The following SAAL1 variants were observed in gnomAD, a reference collection of about 807,000 sequenced individuals.
The protein encoded by SAAL1 is protein SAAL1.
SAAL1 carries 42 observed loss-of-function variants against 59.8 expected under a neutral mutation model. That is an observed-to-expected ratio of 0.70 (90% CI 0.55 to 0.91). The LOEUF is 0.91. Among genes scored for constraint, SAAL1 ranks in the 40% least tolerant of loss-of-function variants. The probability of loss-of-function intolerance (pLI) is 0.00; values close to 1 mark genes in which losing one functional copy is unlikely to be tolerated. For missense variants in SAAL1, 542 were observed against 561.1 expected (o/e 0.97, Z 0.34); for synonymous variants, 191 against 194.3 (o/e 0.98, Z 0.14).
intron 2 of SAAL1, among the ~76,000 whole-genome samples, chr11:18,102,004 A>C (rs974658020): frequency 6.6e-6 from 1 of 152,186 alleles, no homozygotes; most frequent in Non-Finnish European, 1.5e-5. Context: ...AGGAATGGAG[A>C]GGCAAGAGGA....
In SAAL1 at chr11:18,090,445, C is replaced by T. The variant is rs1848512087; in HGVS notation, c.462G>A (p.Leu154=). 2 of 1,608,498 alleles carry T rather than the reference C, an allele frequency of 1.2e-6. No individual in the cohort carries two copies. Among genetic ancestry groups the T allele is most frequent in the South Asian group, 1.1e-5 (1 of 89,252 alleles). Reference sequence around the variant, plus strand: ...AAGGAAAAGCATACCTGCTTGTTTCCAGCAGAGTAGGTGGGTCTGAATCAT... The same window carrying T: ...AAGGAAAAGCATACCTGCTTGTTTCTAGCAGAGTAGGTGGGTCTGAATCAT... ...CLYDSDPPTL[L]ETSRLLLTCL... The change falls in exon 5 of 12, where the codon CTG becomes CTA. Residue 154 remains leucine, a synonymous_variant. Transcript: ENST00000524803.
intron 9 of SAAL1, 57 bp downstream of exon 9, chr11:18,086,809 T>G: frequency 2.5e-6 from 3 of 1,217,374 alleles, no homozygotes; most frequent in Non-Finnish European, 3.2e-6. Flanking sequence ...AAGCATTTTT[T>G]AAAAGGGAGA....
chr11:18,088,601 T>A (rs1424445737), intron 7 of SAAL1, among the ~76,000 whole-genome samples: 1 of 152,262 alleles, frequency 6.6e-6, no homozygotes, highest in South Asian at 2.1e-4. Context: ...ATGTCAGGAA[T>A]AAGGGTTGGG....
rs554548119 is a variant in SAAL1 at position 18,097,656 on chromosome 11, T to C, written c.250-802A>G. ...TACTTGAGCCCAGCTTGGGCAAACA[T>C]AGTGAAAACCCATATCCACAAAAAA... is the stretch of plus-strand genomic sequence containing the variant. On this transcript the variant is annotated intron_variant, in intron 2 of 11. Coordinates refer to ENST00000524803, the MANE Select transcript of SAAL1 (RefSeq NM_138421.3). Among the ~76,000 whole-genome samples the C allele has an allele frequency of 5.9e-5, 9 of 151,680 alleles. No individual in the cohort carries two copies. The South Asian group carries it at 1.5e-3, about 25-fold the overall frequency.
In SAAL1 at chr11:18,090,206, G is replaced by C; in HGVS notation, c.558C>G (p.Ser186Arg). The change falls in exon 6 of 12, where the codon AGC becomes AGG. Residue 186 changes from serine to arginine, a missense_variant. By Grantham distance (110) the Ser-to-Arg change is moderately radical. Coordinates refer to ENST00000524803, the MANE Select transcript of SAAL1 (RefSeq NM_138421.3). ...RIQEHPAIYD[S>R]ICFIMSSSTN... ...TTGAACTTGACATAATGAAGCAAATGCTATCATAAATAGCTGGATGTTCCT... is the reference window on the plus strand; with the variant it reads ...TTGAACTTGACATAATGAAGCAAATCCTATCATAAATAGCTGGATGTTCCT... 1 of 1,601,512 alleles carries C rather than the reference G, an allele frequency of 6.2e-7. No homozygotes were observed. The highest frequency in any genetic ancestry group is 8.5e-7 in the Non-Finnish European group (1 of 1,176,456).
chr11:18,100,668 T>C (rs762391211), intron 2 of SAAL1, among the ~76,000 whole-genome samples: 2 of 152,264 alleles, frequency 1.3e-5, no homozygotes, highest in African/African-American at 2.4e-5. Flanking sequence ...GAAAATTCTA[T>C]AGTGCTTGAT....
At chr11:18,085,425 C>T (rs764137035) in intron 9 of SAAL1, among the ~76,000 whole-genome samples, 3 of 119,386 alleles carry the variant, frequency 2.5e-5, no homozygotes, top group Non-Finnish European at 5.3e-5. Context: ...AATAGTAAAC[C>T]CAAAAGATAC....
At chr11:18,092,198 G>T in intron 4 of SAAL1, 47 bp downstream of exon 4, 1 of 943,328 alleles carries the variant, frequency 1.1e-6, no homozygotes, top group Non-Finnish European at 1.6e-6. Flanking sequence ...TTTCCTTAAG[G>T]ATATAAATGA....
chr11:18,085,666 G>A (rs1471211389), intron 9 of SAAL1, among the ~76,000 whole-genome samples: 2 of 152,044 alleles, frequency 1.3e-5, no homozygotes, highest in African/African-American at 4.8e-5. Flanking sequence ...TGCCTTATTA[G>A]GTATTAAAAC....
chr11:18,094,089 G>T (rs1182784868), intron 3 of SAAL1: 1 of 152,274 alleles, frequency 6.6e-6, no homozygotes, highest in East Asian at 1.9e-4. Context: ...TCTCATCTCA[G>T]ATCTACTGAA....
rs1167137797 is a variant in SAAL1 at position 18,096,835 on chromosome 11, T to A, written c.269A>T (p.Gln90Leu). Residue 90 changes from glutamine (Q) to leucine (L), a missense_variant, in exon 3 of 12, where the codon CAA becomes CTA. By Grantham distance (113) the Gln-to-Leu change is moderately radical. Coordinates refer to ENST00000524803, the MANE Select transcript of SAAL1 (RefSeq NM_138421.3). ...SMDEDVALFL[Q>L]EFNAPDIFMG... ...GAATATATCAGGAGCATTAAATTCT[T>A]GGAGAAATAAAGCCACGTCCTGAAA... is the stretch of plus-strand genomic sequence containing the variant. 6.3e-7 allele frequency: 1 copy of A among 1,580,860 alleles called. No individual in the cohort carries two copies. Among genetic ancestry groups the A allele is most frequent in the Non-Finnish European group, 8.6e-7 (1 of 1,158,878 alleles).
intron 7 of SAAL1, 47 bp from the exon 8 acceptor site, chr11:18,087,272 G>T: frequency 8.5e-7 from 1 of 1,180,066 alleles, no homozygotes; most frequent in East Asian, 2.4e-5. Context: ...TTACTGTCCA[G>T]GGGATTCCAA....
chr11:18,081,891 T>G (rs1848414718), intron 10 of SAAL1, among the ~76,000 whole-genome samples: 1 of 152,178 alleles, frequency 6.6e-6, no homozygotes, highest in Non-Finnish European at 1.5e-5. Context: ...TTCTTGAAGA[T>G]TACCAACCAC....
At chr11:18,084,087 A>G (rs1417620652) in intron 9 of SAAL1, among the ~76,000 whole-genome samples, 1 of 152,186 alleles carries the variant, frequency 6.6e-6, no homozygotes, top group Non-Finnish European at 1.5e-5. Context: ...TTGTAATCTG[A>G]GCAGTTTGAG....
chr11:18,097,348 T>C (rs544215390), intron 2 of SAAL1, among the ~76,000 whole-genome samples: 2 of 152,004 alleles, frequency 1.3e-5, no homozygotes, highest in South Asian at 4.2e-4. Context: ...GTCTTTATGG[T>C]AACTAGTCCC....
rs550001896 is a variant in SAAL1 at position 18,105,911 on chromosome 11, A to G, written c.131T>C (p.Ile44Thr). The G allele has an allele frequency of 3.1e-6, 5 of 1,600,312 alleles. No individual in the cohort carries two copies. The highest frequency in any genetic ancestry group is 4.5e-5 in the East Asian group (2 of 44,234). ...GCGTGGCGCGAGTTTCCACACCTGGATGAGTCCGCTGAGGACGCCGAAGAG... is the reference window on the plus strand; with the variant it reads ...GCGTGGCGCGAGTTTCCACACCTGGGTGAGTCCGCTGAGGACGCCGAAGAG... ...HWLFGVLSGL[I>T]QIVSPENTKS... Residue 44 changes from isoleucine (I) to threonine (T), a missense_variant, in exon 1 of 12, where the codon ATC becomes ACC. Transcript: ENST00000524803.
chr11:18,090,236 C>T lies in SAAL1; in HGVS notation c.528G>A (p.Arg176=). The T allele has an allele frequency of 6.2e-7, 1 of 1,610,268 alleles. No individual in the cohort carries two copies. The highest frequency in any genetic ancestry group is 8.5e-7 in the Non-Finnish European group (1 of 1,179,134). The change falls in exon 6 of 12, where the codon AGG becomes AGA. Residue 176 remains arginine, a synonymous_variant. Coordinates refer to ENST00000524803, the MANE Select transcript of SAAL1 (RefSeq NM_138421.3). ...CATAAATAGCTGGATGTTCCTGGAT[C>T]CTTTCAACCCAAACACTGGCCACTT... ...QAEVASVWVE[R]IQEHPAIYDS...
rs372386460 is a variant in SAAL1 at position 18,104,904 on chromosome 11, G to C, written c.135+1003C>G. Among the ~76,000 whole-genome samples, 3 of 152,202 alleles carry C rather than the reference G, an allele frequency of 2.0e-5. No homozygotes were observed. In the South Asian group the frequency reaches 6.2e-4, roughly 32 times the overall value. On this transcript the variant is annotated intron_variant, in intron 1 of 11. Transcript: ENST00000524803. Reference sequence around the variant, plus strand: ...CCTGTCTTTAAAGAAGATTATTCTGGCAGCTGTGTAGAAAATTGACTGGAG... The same window carrying C: ...CCTGTCTTTAAAGAAGATTATTCTGCCAGCTGTGTAGAAAATTGACTGGAG...
intron 3 of SAAL1, among the ~76,000 whole-genome samples, chr11:18,095,925 C>G (rs1848570735): frequency 6.6e-6 from 1 of 152,112 alleles, no homozygotes; most frequent in Non-Finnish European, 1.5e-5. Context: ...CAAAGGGAGG[C>G]ACGGAGACAG....
Sources: gnomAD v4.1 joint callset for allele counts (sites outside exome capture counted in the v4.1 genomes callset) on GRCh38, gnomAD v4.1.1 for gene constraint, MANE v1.5 for transcripts, NCBI Gene and HGNC (gene_info 2026-07-23, HGNC 2026-07-21) for gene names.